TOP6BL: variants seen among roughly 807,000 people sequenced by gnomAD.
TOP6BL encodes the protein TOP6B like initiator of meiotic double strand breaks.
At chr11:66,832,712 G>A in the TOP6BL span, among the ~76,000 whole-genome samples, 49 of 152,274 alleles carry the variant, frequency 3.2e-4, no homozygotes, top group African/African-American at 1.0e-3. Context: ...AGTTTCCCTC[G>A]GACTTGGAAA....
the TOP6BL span, chr11:66,804,218 A>G: frequency 4.5e-6 from 7 of 1,554,524 alleles, no homozygotes; most frequent in South Asian, 7.3e-5. Flanking sequence ...AGTTCCATCC[A>G]ATTATCTTTG....
chr11:66,805,191 G>T, the TOP6BL span, among the ~76,000 whole-genome samples: 1 of 152,146 alleles, frequency 6.6e-6, no homozygotes, highest in South Asian at 2.1e-4. Context: ...CCAAGAACAC[G>T]ACACTGCACT....
At chr11:66,778,368 A>T in the TOP6BL span, among the ~76,000 whole-genome samples, 18 of 152,126 alleles carry the variant, frequency 1.2e-4, no homozygotes, top group Admixed American at 3.9e-4. Flanking sequence ...TATCCCAGCT[A>T]CTCAGGGGGA....
At chr11:66,828,390 G>T in the TOP6BL span, 1 of 1,549,880 alleles carries the variant, frequency 6.5e-7, no homozygotes, top group Non-Finnish European at 8.9e-7. Context: ...CAGTACTTTG[G>T]TGGGAATCTT....
At chr11:66,827,316 C>T in the TOP6BL span, among the ~76,000 whole-genome samples, 1 of 152,232 alleles carries the variant, frequency 6.6e-6, no homozygotes, top group African/African-American at 2.4e-5. Context: ...TCCCAAAGTG[C>T]TGGGATTACA....
the TOP6BL span, among the ~76,000 whole-genome samples, chr11:66,767,673 C>T: frequency 6.6e-6 from 1 of 152,128 alleles, no homozygotes; most frequent in African/African-American, 2.4e-5. Flanking sequence ...GAATACCAGT[C>T]CTTGTAAACA....
the TOP6BL span, chr11:66,816,256 G>A: frequency 2.6e-6 from 4 of 1,528,468 alleles, no homozygotes; most frequent in Non-Finnish European, 3.5e-6. Flanking sequence ...AAGAGAGAGG[G>A]AAACTTTGTG....
At chr11:66,756,667 A>G in the TOP6BL span, among the ~76,000 whole-genome samples, 13 of 152,136 alleles carry the variant, frequency 8.5e-5, no homozygotes, top group African/African-American at 3.1e-4. Flanking sequence ...GCATTCCCCC[A>G]AATCCCCTCT....
At chr11:66,769,261 T>A in the TOP6BL span, among the ~76,000 whole-genome samples, 1 of 152,114 alleles carries the variant, frequency 6.6e-6, no homozygotes, top group Non-Finnish European at 1.5e-5. Flanking sequence ...GAACTAAAGC[T>A]ATAAAACTCT....
chr11:66,753,124 G>A, the TOP6BL span, among the ~76,000 whole-genome samples: 4 of 151,566 alleles, frequency 2.6e-5, no homozygotes, highest in African/African-American at 4.8e-5. Flanking sequence ...GTGAGACTCC[G>A]TCTCCAAAAA....
the TOP6BL span, among the ~76,000 whole-genome samples, chr11:66,750,419 C>T: frequency 6.6e-6 from 1 of 151,956 alleles, no homozygotes; most frequent in Non-Finnish European, 1.5e-5. Context: ...TGGTGGCACA[C>T]ACCTGTAATC....
the TOP6BL span, chr11:66,761,915 G>A: frequency 8.2e-6 from 11 of 1,340,430 alleles, no homozygotes; most frequent in Admixed American, 6.7e-5. Flanking sequence ...CTTCAACCAC[G>A]AAATGGGGAG....
chr11:66,750,099 A>G, the TOP6BL span, among the ~76,000 whole-genome samples: 18 of 152,118 alleles, frequency 1.2e-4, no homozygotes, highest in Non-Finnish European at 2.4e-4. Flanking sequence ...AGTTATCAAT[A>G]TCCATTTTTT....
At chr11:66,826,766 T>C in the TOP6BL span, among the ~76,000 whole-genome samples, 4 of 152,000 alleles carry the variant, frequency 2.6e-5, no homozygotes, top group African/African-American at 4.8e-5. Context: ...CACTGCAACC[T>C]CCGCCTCCCA....
chr11:66,796,682 G>A, the TOP6BL span, among the ~76,000 whole-genome samples: 1 of 151,632 alleles, frequency 6.6e-6, no homozygotes, highest in African/African-American at 2.4e-5. Flanking sequence ...CCTCAGGAGG[G>A]TGAGGTGAGA....
At chr11:66,828,985 T>G in the TOP6BL span, among the ~76,000 whole-genome samples, 6 of 149,502 alleles carry the variant, frequency 4.0e-5, no homozygotes, top group Admixed American at 2.0e-4. Flanking sequence ...GTTTTTTTTT[T>G]TTTTGAGATG....
chr11:66,756,319 T>A, the TOP6BL span: 1 of 1,190,416 alleles, frequency 8.4e-7, no homozygotes, highest in Admixed American at 3.1e-5. Context: ...CTACATACAG[T>A]TAACCCCCTT....
At chr11:66,795,082 C>G in the TOP6BL span, among the ~76,000 whole-genome samples, 1 of 150,210 alleles carries the variant, frequency 6.7e-6, no homozygotes, top group Non-Finnish European at 1.5e-5. Context: ...TGCAGTGAGC[C>G]GAGATCACAC....
the TOP6BL span, among the ~76,000 whole-genome samples, chr11:66,770,627 T>C: frequency 6.6e-6 from 1 of 152,038 alleles, no homozygotes; most frequent in African/African-American, 2.4e-5. Context: ...TGGCTTGAAC[T>C]CAGAAGGTGG....
Sources: gnomAD v4.1 joint callset for allele counts (sites outside exome capture counted in the v4.1 genomes callset) on GRCh38, gnomAD v4.1.1 for gene constraint, MANE v1.5 for transcripts, NCBI Gene and HGNC (gene_info 2026-07-23, HGNC 2026-07-21) for gene names.